BCOR: variants seen among roughly 807,000 people sequenced by gnomAD.
The protein encoded by BCOR is BCL-6 corepressor.
BCOR carries 10 observed loss-of-function variants against 86.7 expected under a neutral mutation model. The observed-to-expected ratio is 0.12, with a 90% confidence interval of 0.07 to 0.20. BCOR has a LOEUF of 0.20. Ranked by LOEUF, BCOR falls within the 10% of genes least tolerant of loss-of-function variation. The probability of loss-of-function intolerance (pLI) is 1.00; values close to 1 mark genes in which losing one functional copy is unlikely to be tolerated. For synonymous variants in BCOR, 611 were observed against 609.0 expected (o/e 1.00, Z -0.05); for missense variants, 1,259 against 1,452.1 (o/e 0.87, Z 2.16).
At position 40,054,246 on chromosome X, in the gene BCOR, T is replaced by C. The variant is rs1184726858; in HGVS notation, c.4819+10A>G. On this transcript the variant is annotated intron_variant, in intron 13 of 14. Transcript: ENST00000378444. ...CCTCCTACGGAACTAGAGCAAACAA[T>C]GCAGCTTACCACAAACAGAGCTGCC... 1 of 1,203,283 alleles carries C rather than the reference T, an allele frequency of 8.3e-7. No homozygotes were observed. The highest frequency in any genetic ancestry group is 1.1e-6 in the Non-Finnish European group (1 of 889,179).
intron 1 of BCOR, among the ~76,000 whole-genome samples, chrX:40,124,805 G>A (rs1432637607): frequency 9.1e-6 from 1 of 110,401 alleles, no homozygotes; most frequent in Non-Finnish European, 1.9e-5. Context: ...TCAAATTCCT[G>A]GGTTCAAGTG....
chrX:40,104,191 G>T (rs1235914396), intron 1 of BCOR, among the ~76,000 whole-genome samples: 2 of 111,854 alleles, frequency 1.8e-5, no homozygotes, highest in Non-Finnish European at 3.8e-5. Flanking sequence ...GTTACTGGTC[G>T]ATGTTTGTGT....
At chrX:40,159,580 G>T (rs977409043) in intron 1 of BCOR, among the ~76,000 whole-genome samples, 5 of 111,572 alleles carry the variant, frequency 4.5e-5, no homozygotes, top group East Asian at 2.8e-4. Context: ...TCGATCTCCT[G>T]ACCTCGTGAT....
intron 1 of BCOR, among the ~76,000 whole-genome samples, chrX:40,136,997 G>A (rs1248133412): frequency 9.0e-6 from 1 of 111,658 alleles, no homozygotes; most frequent in Non-Finnish European, 1.9e-5. Context: ...CCAAGACGCA[G>A]CTAAATTTCT....
intron 8 of BCOR, among the ~76,000 whole-genome samples, chrX:40,063,328 G>GAAGC (rs1935004935): frequency 2.7e-5 from 3 of 112,750 alleles, no homozygotes; most frequent in East Asian, 5.6e-4. Flanking sequence ...AGAGAGGACA[G>GAAGC]AAGCTGGCTC....
intron 1 of BCOR, among the ~76,000 whole-genome samples, chrX:40,161,776 G>T (rs752700807): frequency 7.1e-5 from 8 of 111,916 alleles, no homozygotes; most frequent in African/African-American, 2.6e-4. Flanking sequence ...GCCTCCCAAA[G>T]TGCTGGGATT....
intron 1 of BCOR, among the ~76,000 whole-genome samples, chrX:40,168,275 G>T (rs1034581965): frequency 9.7e-5 from 11 of 113,237 alleles, no homozygotes; most frequent in African/African-American, 3.5e-4. Flanking sequence ...CTTCCGCGGA[G>T]CGCCGGACAG....
intron 1 of BCOR, among the ~76,000 whole-genome samples, chrX:40,170,353 TG>T (rs1399501712): frequency 4.6e-5 from 5 of 108,303 alleles, no homozygotes; most frequent in African/African-American, 1.7e-4. Flanking sequence ...GTTTTGGTTT[TG>T]GTTTTTTTTT....
intron 1 of BCOR, among the ~76,000 whole-genome samples, chrX:40,092,745 G>C (rs1936677638): frequency 8.9e-6 from 1 of 112,158 alleles, no homozygotes; most frequent in South Asian, 3.7e-4. Context: ...CCCTAGAAGG[G>C]AAAGAAACTA....
At chrX:40,063,150 T>A in intron 8 of BCOR, 79 bp from the exon 9 acceptor site, 1 of 774,130 alleles carries the variant, frequency 1.3e-6, no homozygotes, top group Non-Finnish European at 1.8e-6. Context: ...TTGTAGCCAG[T>A]GCAGGAAGAA....
intron 1 of BCOR, among the ~76,000 whole-genome samples, chrX:40,084,665 G>A (rs971002490): frequency 9.1e-6 from 1 of 110,264 alleles, no homozygotes; most frequent in Non-Finnish European, 1.9e-5. Flanking sequence ...GTTTCCACCA[G>A]GGCTTTGTAG....
chrX:40,160,721 TG>T (rs1174483169), intron 1 of BCOR, among the ~76,000 whole-genome samples: 1 of 100,738 alleles, frequency 9.9e-6, no homozygotes, highest in African/African-American at 3.7e-5. Flanking sequence ...TGGAGTGCAG[TG>T]GCACAATCTC....
At chrX:40,152,903 G>A (rs1032558385) in intron 1 of BCOR, among the ~76,000 whole-genome samples, 6 of 113,229 alleles carry the variant, frequency 5.3e-5, no homozygotes, top group African/African-American at 1.9e-4. Flanking sequence ...AAGCCGAGAG[G>A]GCGGGAGGAG....
In BCOR at chrX:40,052,345, G is replaced by T; in HGVS notation, c.5032C>A (p.Arg1678Ser). Reference sequence around the variant, plus strand: ...TTTGGAAAATTGCAGCGAAATATGCGGGAGGACATTTTCAATTTCTTAAGG... The same window carrying T: ...TTTGGAAAATTGCAGCGAAATATGCTGGAGGACATTTTCAATTTCTTAAGG... ...DVLKKLKMSS[R>S]IFRCNFPNVE... The change falls in exon 15 of 15, where the codon CGC becomes AGC. Residue 1678 changes from arginine to serine, a missense_variant. Around this residue, in one of 7 missense-constraint regions of BCOR, gnomAD observed 137 missense variants for 149.8 expected, o/e 0.91. Coordinates refer to ENST00000378444, the MANE Select transcript of BCOR (RefSeq NM_001123385.2). 1 of 1,211,373 alleles carries T rather than the reference G, an allele frequency of 8.3e-7. No individual in the cohort carries two copies. The highest frequency in any genetic ancestry group is 1.1e-6 in the Non-Finnish European group (1 of 895,144).
At chrX:40,086,260 A>G (rs1936352714) in intron 1 of BCOR, among the ~76,000 whole-genome samples, 1 of 112,434 alleles carries the variant, frequency 8.9e-6, no homozygotes, top group Non-Finnish European at 1.9e-5. Flanking sequence ...TTCAGAGGGG[A>G]ACAACGGCCT....
At chrX:40,160,994 A>T (rs1362674858) in intron 1 of BCOR, among the ~76,000 whole-genome samples, 11 of 95,200 alleles carry the variant, frequency 1.2e-4, no homozygotes, top group African/African-American at 2.7e-4. Context: ...TTTTTTTTTT[A>T]ATTTTTATTT....
intron 1 of BCOR, among the ~76,000 whole-genome samples, chrX:40,175,626 G>T (rs1445768375): frequency 2.7e-5 from 3 of 112,762 alleles, no homozygotes; most frequent in Non-Finnish European, 3.8e-5. Flanking sequence ...GGATGCAAAT[G>T]GCGTCTCGCG....
At chrX:40,131,272 C>T (rs1360326266) in intron 1 of BCOR, among the ~76,000 whole-genome samples, 11 of 112,190 alleles carry the variant, frequency 9.8e-5, no homozygotes, top group African/African-American at 3.6e-4. Context: ...CTTGCAGTCC[C>T]AACCTCCTGA....
At position 40,063,699 on chromosome X, in the gene BCOR, G is replaced by A. The variant is rs1315654194; in HGVS notation, c.3756C>T (p.Ile1252=). 8.3e-7 allele frequency: 1 copy of A among 1,209,886 alleles called. No homozygotes were observed. The highest frequency in any genetic ancestry group is 1.7e-5 in the African/African-American group (1 of 57,186). The change falls in exon 8 of 15, where the codon ATC becomes ATT. Residue 1252 remains isoleucine, a synonymous_variant. Coordinates refer to ENST00000378444, the MANE Select transcript of BCOR (RefSeq NM_001123385.2). ...TTTTCCTGCCAGGTTTCTCTTCAGT[G>A]ATGTTAGTCCCCTGAGGAATGGCCT... The part of the protein sequence containing the change: ...QPEAIPQGTN[I]TEEKPGRKRA...
Sources: gnomAD v4.1 joint callset for allele counts (sites outside exome capture counted in the v4.1 genomes callset) on GRCh38, gnomAD v4.1.1 for gene constraint, gnomAD v4.1.1 regional missense constraint, MANE v1.5 for transcripts, NCBI Gene and HGNC (gene_info 2026-07-23, HGNC 2026-07-21) for gene names.